Variants in EFCAB6 observed in about 807,000 individuals in gnomAD.
EFCAB6 encodes the protein EF-hand calcium binding domain 6, also known as EF-hand calcium-binding domain-containing protein 6.
Under a neutral mutation model 169.8 loss-of-function variants are expected in EFCAB6, and 156 were observed. That is an observed-to-expected ratio of 0.92 (90% CI 0.81 to 1.05). EFCAB6 has a LOEUF of 1.05. Among genes scored for constraint, EFCAB6 ranks in the 50% least tolerant of loss-of-function variants. The pLI, the probability that EFCAB6 is intolerant of heterozygous loss-of-function variation, is 0.00. For synonymous variants in EFCAB6, 698 were observed against 676.4 expected, an observed-to-expected ratio of 1.03 and a Z score of -0.50; for missense variants, 1,800 against 1,829.1, an observed-to-expected ratio of 0.98 and a Z score of 0.29.
chr22:43,592,452 C>T (rs893603164), intron 23 of EFCAB6, among the ~76,000 whole-genome samples: 3 of 152,080 alleles, frequency 2.0e-5, no homozygotes, highest in Non-Finnish European at 4.4e-5. Context: ...GAAAAAAATC[C>T]AAACATTTTT....
chr22:43,595,578 T>A (rs2051936181), intron 23 of EFCAB6, among the ~76,000 whole-genome samples: 1 of 152,022 alleles, frequency 6.6e-6, no homozygotes, highest in Admixed American at 6.5e-5. Context: ...ACACCAACAA[T>A]GAGTAACAAC....
intron 17 of EFCAB6, 116 bp downstream of exon 17, chr22:43,666,988 G>T: frequency 1.6e-6 from 2 of 1,232,942 alleles, no homozygotes; most frequent in Non-Finnish European, 2.2e-6. Flanking sequence ...GTTGAAAGAT[G>T]CCTAGAAATG....
At chr22:43,650,303 T>C (rs1047401052) in intron 17 of EFCAB6, among the ~76,000 whole-genome samples, 6 of 152,168 alleles carry the variant, frequency 3.9e-5, no homozygotes, top group African/African-American at 9.7e-5. Flanking sequence ...GTTCTCATGA[T>C]AGTGAATAGG....
At chr22:43,615,767 T>G (rs2053641900) in intron 21 of EFCAB6, 59 bp downstream of exon 21, 1 of 1,452,204 alleles carries the variant, frequency 6.9e-7, no homozygotes, top group Admixed American at 1.9e-5. Flanking sequence ...ATCATCCCAG[T>G]GATCTTGAAA....
In EFCAB6 at chr22:43,694,062, T is replaced by C. The variant is rs183428597; in HGVS notation, c.1032-6481A>G. Among the ~76,000 whole-genome samples, 65 of 149,830 alleles carry C rather than the reference T, an allele frequency of 4.3e-4. 1 individual carries two copies. In the Middle Eastern group the frequency reaches 0.021, roughly 48 times the overall value. On this transcript the variant is annotated intron_variant, in intron 10 of 31. Coordinates refer to ENST00000262726, the MANE Select transcript of EFCAB6 (RefSeq NM_022785.4). ...AGAATGGAGAGGACAGAGAAAAGAG[T>C]GAGTGACTTAAATATTGATCAACTG... is the stretch of plus-strand genomic sequence containing the variant.
At chr22:43,808,587 T>C (rs1368024737) in intron 2 of EFCAB6, among the ~76,000 whole-genome samples, 1 of 152,196 alleles carries the variant, frequency 6.6e-6, no homozygotes, top group Non-Finnish European at 1.5e-5. Flanking sequence ...TTTAGCTATT[T>C]GGTAGCTGTT....
intron 6 of EFCAB6, among the ~76,000 whole-genome samples, chr22:43,736,918 C>T (rs370877719): frequency 1.3e-5 from 2 of 152,020 alleles, no homozygotes; most frequent in Non-Finnish European, 2.9e-5. Context: ...CTCCCTTGGG[C>T]GCCCAAAGCT....
At chr22:43,591,651 G>T (rs542056606) in intron 23 of EFCAB6, among the ~76,000 whole-genome samples, 10 of 152,144 alleles carry the variant, frequency 6.6e-5, no homozygotes, top group African/African-American at 2.4e-4. Context: ...GGCAGAATCA[G>T]GACAAGACTG....
intron 10 of EFCAB6, among the ~76,000 whole-genome samples, chr22:43,687,887 T>G (rs1477345982): frequency 6.6e-6 from 1 of 152,250 alleles, no homozygotes; most frequent in African/African-American, 2.4e-5. Context: ...AAATTCATCA[T>G]GTGAAGAGCC....
At chr22:43,613,268 TATC>T (rs1168691174) in intron 21 of EFCAB6, among the ~76,000 whole-genome samples, 2 of 150,608 alleles carry the variant, frequency 1.3e-5, no homozygotes, top group South Asian at 4.2e-4. Context: ...AATATATTCA[TATC>T]ATATATTTAT....
intron 17 of EFCAB6, 45 bp from the exon 18 acceptor site, chr22:43,635,261 G>T: frequency 1.4e-6 from 2 of 1,389,910 alleles, no homozygotes; most frequent in African/African-American, 1.4e-5. Context: ...TAGGTGGTCC[G>T]CGGGTCACTA....
intron 17 of EFCAB6, among the ~76,000 whole-genome samples, chr22:43,653,021 G>A (rs1311320768): frequency 6.6e-6 from 1 of 152,156 alleles, no homozygotes; most frequent in Non-Finnish European, 1.5e-5. Context: ...AAACTGGAAG[G>A]CAGATCAATA....
rs147317014 is a variant in EFCAB6, at chr22:43,567,754, C to A, written c.3420+8543G>T. On this transcript the variant is annotated intron_variant, in intron 26 of 31. Coordinates refer to ENST00000262726, the MANE Select transcript of EFCAB6 (RefSeq NM_022785.4). ...GCCTTCCTTCCTGCGTCTCCTTTAC[C>A]CAGGCACTGAGCTGGGCAACAGGGA... is the stretch of plus-strand genomic sequence containing the variant. Among the ~76,000 whole-genome samples, 1,090 of 152,286 alleles carry A rather than the reference C, an allele frequency of 7.2e-3. 8 individuals carry two copies. The highest frequency in any genetic ancestry group is 0.037 in the Middle Eastern group (11 of 294).
At chr22:43,665,828 C>T (rs2057221296) in intron 17 of EFCAB6, among the ~76,000 whole-genome samples, 1 of 152,230 alleles carries the variant, frequency 6.6e-6, no homozygotes, top group Admixed American at 6.5e-5. Flanking sequence ...TGCTCTGTCA[C>T]CCAGGCTGGA....
intron 20 of EFCAB6, among the ~76,000 whole-genome samples, chr22:43,625,631 GACGCCATAT>G (rs2054454309): frequency 6.6e-6 from 1 of 152,232 alleles, no homozygotes; most frequent in African/African-American, 2.4e-5. Flanking sequence ...GGCTAAGAGT[GACGCCATAT>G]GGGCTGGGCA....
chr22:43,715,119 T>C (rs1166463607), intron 9 of EFCAB6, among the ~76,000 whole-genome samples: 1 of 152,208 alleles, frequency 6.6e-6, no homozygotes, highest in Non-Finnish European at 1.5e-5. Flanking sequence ...AAAAACATAG[T>C]TTCTCCAGCT....
intron 10 of EFCAB6, among the ~76,000 whole-genome samples, chr22:43,696,634 T>G (rs2058586263): frequency 6.6e-6 from 1 of 152,148 alleles, no homozygotes; most frequent in Non-Finnish European, 1.5e-5. Flanking sequence ...TAATGGGATG[T>G]TGAGATATGC....
At chr22:43,578,608 C>G (rs1387092809) in intron 25 of EFCAB6, among the ~76,000 whole-genome samples, 2 of 152,038 alleles carry the variant, frequency 1.3e-5, no homozygotes, top group Admixed American at 1.3e-4. Context: ...CAGTCCACAG[C>G]ATCAGTACTC....
chr22:43,530,799 G>T lies in EFCAB6; in HGVS notation c.4383+16C>A, dbSNP rs541720424. 1.6e-5 allele frequency: 26 copies of T among 1,612,996 alleles called. No homozygotes were observed. The highest frequency in any genetic ancestry group is 2.2e-5 in the Non-Finnish European group (26 of 1,179,980). ...GCTGCTCCCTGCAGAGGCACTGGGC[G>T]CAGAGCTGTGCTCACCGTCCTGAAA... On this transcript the variant is annotated intron_variant, in intron 31 of 31. Coordinates refer to ENST00000262726, the MANE Select transcript of EFCAB6 (RefSeq NM_022785.4).
Sources: allele counts gnomAD v4.1 joint callset (sites outside exome capture counted in the v4.1 genomes callset), GRCh38; gene constraint gnomAD v4.1.1; transcripts MANE v1.5; gene names NCBI Gene and HGNC (gene_info 2026-07-23, HGNC 2026-07-21).